Variants in MAD1L1 observed in about 807,000 individuals in gnomAD.
MAD1L1 encodes mitotic spindle assembly checkpoint protein MAD1.
A neutral mutation model predicts 96.9 loss-of-function variants in MAD1L1; 95 were observed. The observed-to-expected ratio is 0.98, with a 90% confidence interval of 0.83 to 1.16. The LOEUF (loss-of-function observed/expected upper bound fraction) is 1.16, where lower values mean the gene tolerates loss of function less well. Among genes scored for constraint, MAD1L1 ranks in the 50% most tolerant of loss-of-function variants. The probability of loss-of-function intolerance (pLI) is 0.00; values close to 1 mark genes in which losing one functional copy is unlikely to be tolerated. For synonymous variants in MAD1L1, 473 were observed against 396.6 expected (o/e 1.19, Z -2.29); for missense variants, 1,007 against 954.4 (o/e 1.06, Z -0.73).
intron 11 of MAD1L1, among the ~76,000 whole-genome samples, chr7:2,125,126 C>A (rs1788170310): frequency 6.6e-6 from 1 of 152,198 alleles, no homozygotes; most frequent in Non-Finnish European, 1.5e-5. Context: ...AGACACAGGA[C>A]CTGCCACAGA....
At chr7:1,931,255 G>A (rs1394140158) in intron 17 of MAD1L1, among the ~76,000 whole-genome samples, 1 of 152,076 alleles carries the variant, frequency 6.6e-6, no homozygotes, top group African/African-American at 2.4e-5. Flanking sequence ...CCCACGCACG[G>A]TCACAGGAGC....
intron 17 of MAD1L1, among the ~76,000 whole-genome samples, chr7:1,932,018 C>T (rs984518818): frequency 2.0e-5 from 3 of 152,204 alleles, no homozygotes; most frequent in Non-Finnish European, 2.9e-5. Flanking sequence ...GACCTGGGGA[C>T]CAACGTCCAT....
intron 18 of MAD1L1, among the ~76,000 whole-genome samples, chr7:1,843,063 T>C (rs550340331): frequency 1.3e-5 from 2 of 152,172 alleles, no homozygotes; most frequent in African/African-American, 4.8e-5. Flanking sequence ...CTGGGGACCA[T>C]CTGGAGGACG....
At chr7:1,902,622 G>C (rs1338901064) in intron 17 of MAD1L1, among the ~76,000 whole-genome samples, 1 of 152,248 alleles carries the variant, frequency 6.6e-6, no homozygotes, top group African/African-American at 2.4e-5. Context: ...CCCGGGGCCT[G>C]AGCTATACCC....
At chr7:1,909,753 C>T (rs1002929985) in intron 17 of MAD1L1, among the ~76,000 whole-genome samples, 1 of 152,238 alleles carries the variant, frequency 6.6e-6, no homozygotes, top group Non-Finnish European at 1.5e-5. Context: ...CCAGCCAGGG[C>T]CTGCTGCTGC....
chr7:2,220,891 C>T (rs1239550972), intron 5 of MAD1L1: 6 of 1,610,560 alleles, frequency 3.7e-6, no homozygotes, highest in South Asian at 1.1e-5. Context: ...CACCGTGTGC[C>T]AGGGGCAAGG....
intron 17 of MAD1L1, among the ~76,000 whole-genome samples, chr7:1,906,207 T>A (rs1787621173): frequency 6.6e-6 from 1 of 152,140 alleles, no homozygotes; most frequent in Non-Finnish European, 1.5e-5. Context: ...CCAGCCCTGG[T>A]GCTTCTGTAG....
chr7:1,827,637 TGTGGGGGCCTCCCCTCCTGAGCCCGG>T (rs1782486752), intron 18 of MAD1L1, among the ~76,000 whole-genome samples: 1 of 100,590 alleles, frequency 9.9e-6, no homozygotes, highest in East Asian at 3.3e-4. Context: ...CCCGCCCGGG[TGTGGGGGCCTCCCCTCCTGAGCCCGG>T]CCCGGGTGTG....
intron 10 of MAD1L1, among the ~76,000 whole-genome samples, chr7:2,196,644 C>T (rs779083680): frequency 5.9e-5 from 9 of 152,212 alleles, no homozygotes; most frequent in Non-Finnish European, 1.2e-4. Flanking sequence ...ACGAGCGTCT[C>T]CAAAATCACA....
At chr7:1,882,747 GC>G (rs1228699439) in intron 18 of MAD1L1, among the ~76,000 whole-genome samples, 1 of 152,120 alleles carries the variant, frequency 6.6e-6, no homozygotes, top group African/African-American at 2.4e-5. Context: ...ATGGCCCCTC[GC>G]CCCCCTTCCC....
chr7:2,089,612 A>AC (rs138370696), intron 11 of MAD1L1, among the ~76,000 whole-genome samples: 11,885 of 150,786 alleles, frequency 0.079, 558 homozygotes, highest in African/African-American at 0.13. Context: ...GCACACGCCC[A>AC]CCCATCACGT....
At chr7:2,059,876 G>C (rs995975949) in intron 12 of MAD1L1, among the ~76,000 whole-genome samples, 1 of 152,162 alleles carries the variant, frequency 6.6e-6, no homozygotes, top group Non-Finnish European at 1.5e-5. Context: ...CAAAGTCCAA[G>C]AAGACAACAT....
intron 16 of MAD1L1, among the ~76,000 whole-genome samples, chr7:1,938,746 G>GCACACA (rs71023370): frequency 2.0e-5 from 2 of 99,668 alleles, no homozygotes; most frequent in African/African-American, 7.1e-5. Flanking sequence ...AGGCGCGCAC[G>GCACACA]CACACACACA....
intron 11 of MAD1L1, among the ~76,000 whole-genome samples, chr7:2,120,390 C>G (rs548684097): frequency 6.6e-6 from 1 of 152,388 alleles, no homozygotes; most frequent in South Asian, 2.1e-4. Flanking sequence ...CCAGCACCAC[C>G]TTCTGAGAAA....
At chr7:2,062,719 C>G (rs1210126463) in intron 12 of MAD1L1, among the ~76,000 whole-genome samples, 1 of 152,154 alleles carries the variant, frequency 6.6e-6, no homozygotes, top group Non-Finnish European at 1.5e-5. Context: ...TTTGTGCACA[C>G]TAAACTTCAA....
intron 11 of MAD1L1, among the ~76,000 whole-genome samples, chr7:2,069,622 G>A (rs1164353291): frequency 6.6e-6 from 1 of 152,252 alleles, no homozygotes; most frequent in Non-Finnish European, 1.5e-5. Context: ...AGCCCTTCAG[G>A]AGACGGGACT....
At chr7:1,888,680 ATGTGTCCATGCG>A (rs1236104446) in intron 18 of MAD1L1, among the ~76,000 whole-genome samples, 1 of 147,964 alleles carries the variant, frequency 6.8e-6, no homozygotes, top group East Asian at 2.1e-4. Flanking sequence ...CTGTCTGTGC[ATGTGTCCATGCG>A]TGTGTGTCGT....
intron 16 of MAD1L1, among the ~76,000 whole-genome samples, chr7:1,947,421 G>T (rs1287346320): frequency 6.6e-6 from 1 of 152,272 alleles, no homozygotes; most frequent in East Asian, 1.9e-4. Context: ...CATATTTATA[G>T]ATCGTCCGGC....
intron 16 of MAD1L1, among the ~76,000 whole-genome samples, chr7:1,951,238 C>T (rs1314097445): frequency 6.6e-6 from 1 of 152,262 alleles, no homozygotes; most frequent in East Asian, 1.9e-4. Context: ...CCAGAGCTGG[C>T]AGGAGGCCTC....
Sources: gnomAD v4.1 joint callset for allele counts (sites outside exome capture counted in the v4.1 genomes callset) on GRCh38, gnomAD v4.1.1 for gene constraint, MANE v1.5 for transcripts, NCBI Gene and HGNC (gene_info 2026-07-23, HGNC 2026-07-21) for gene names.